The following ICA1 variants were observed in gnomAD, a reference collection of about 807,000 sequenced individuals.
The protein encoded by ICA1 is islet cell autoantigen 1, also known as 69 kDa islet cell autoantigen.
In ICA1, 40 loss-of-function variants were observed where a neutral mutation model predicts 71.0. That is an observed-to-expected ratio of 0.56 (90% confidence interval 0.44 to 0.73). The LOEUF (loss-of-function observed/expected upper bound fraction) is 0.73, where lower values mean the gene tolerates loss of function less well. Ranked by LOEUF, ICA1 falls within the 30% of genes least tolerant of loss-of-function variation. The pLI is 0.00. For synonymous variants in ICA1, 207 were observed against 209.5 expected, an observed-to-expected ratio of 0.99 and a Z score of 0.10; for missense variants, 578 against 576.5, an observed-to-expected ratio of 1.00 and a Z score of -0.03.
chr7:8,260,368 C>T (rs1247736408), intron 1 of ICA1, among the ~76,000 whole-genome samples: 7 of 152,102 alleles, frequency 4.6e-5, no homozygotes. Flanking sequence ...GATAGTTACT[C>T]AGGTGTTCCA....
chr7:8,157,393 C>T (rs1802015500), intron 7 of ICA1, 179 bp from the exon 8 acceptor site: 2 of 616,954 alleles, frequency 3.2e-6, no homozygotes, highest in East Asian at 3.0e-5. Flanking sequence ...TAAATGCCTC[C>T]CTGTTTCCCC....
At chr7:8,141,606 T>C (rs948600525) in intron 10 of ICA1, among the ~76,000 whole-genome samples, 159 bp downstream of exon 10, 1 of 152,190 alleles carries the variant, frequency 6.6e-6, no homozygotes, top group Admixed American at 6.5e-5. Context: ...ATGGTGGATA[T>C]CTGAACATTT....
rs1236160290 is a variant in ICA1, at chr7:8,226,419, C to G, written c.256+2182G>C. Among the ~76,000 whole-genome samples the G allele has an allele frequency of 6.6e-6, 1 of 152,228 alleles. No homozygotes were observed. The highest frequency in any genetic ancestry group is 1.5e-5 in the Non-Finnish European group (1 of 68,018). On this transcript the variant is annotated intron_variant, in intron 4 of 13. Transcript: ENST00000402384. This position sits in a 1 kb window ranked among gnomAD's most constrained non-coding sequence, Gnocchi z 4.4. ...TAATACACACACTCTCCATATATTACCTTTTTTTACATTTATATTTTATAT... is the reference window on the plus strand; with the variant it reads ...TAATACACACACTCTCCATATATTAGCTTTTTTTACATTTATATTTTATAT...
chr7:8,191,403 G>T (rs1785587532), intron 6 of ICA1, among the ~76,000 whole-genome samples: 1 of 152,168 alleles, frequency 6.6e-6, no homozygotes, highest in African/African-American at 2.4e-5. Context: ...TGTACTTCAA[G>T]TACGCAAACA....
intron 3 of ICA1, among the ~76,000 whole-genome samples, chr7:8,229,103 C>T (rs775973401): frequency 1.3e-5 from 2 of 151,736 alleles, no homozygotes; most frequent in African/African-American, 2.4e-5. Flanking sequence ...TAAAAGATGA[C>T]GTTAACTTAT....
chr7:8,176,903 CA>C (rs1780799795), intron 6 of ICA1, among the ~76,000 whole-genome samples: 1 of 152,164 alleles, frequency 6.6e-6, no homozygotes, highest in African/African-American at 2.4e-5. Flanking sequence ...ACTCAACTGG[CA>C]GGGGTGGAGC....
intron 6 of ICA1, among the ~76,000 whole-genome samples, chr7:8,158,902 T>G (rs1562749254): frequency 6.6e-6 from 1 of 152,194 alleles, no homozygotes; most frequent in African/African-American, 2.4e-5. Context: ...AATGTTAAAA[T>G]CCTTTCTTCT....
chr7:8,161,959 T>C (rs1299025558), intron 6 of ICA1, among the ~76,000 whole-genome samples: 4 of 152,310 alleles, frequency 2.6e-5, no homozygotes, highest in East Asian at 1.9e-4. Flanking sequence ...TCTGAAATGA[T>C]GGGATATTTG....
At chr7:8,122,979 T>G (rs141184780) in intron 13 of ICA1, among the ~76,000 whole-genome samples, 2 of 152,344 alleles carry the variant, frequency 1.3e-5, no homozygotes, top group African/African-American at 4.8e-5. Flanking sequence ...CTCTGAGGCC[T>G]CTCAGCATTG....
Position 8,145,746 on chromosome 7 carries a change from GTGTA to G in ICA1, c.805-1778_805-1775del, listed in dbSNP as rs1396851004. 1.5e-3 allele frequency among the ~76,000 whole-genome samples: 50 copies of G among 33,534 alleles called. 1 individual carries two copies. Among genetic ancestry groups the G allele is most frequent in the African/African-American group, 2.2e-3 (43 of 19,470 alleles). The allele number at this position is 33,534 out of a possible 152,430, so 22.0% of individuals were successfully genotyped here. The stretch of plus-strand genomic sequence containing the variant: ...CACTACTTGTATGATTGGAATCATT[GTGTA>G]TATATATATATATATATGTATATAA... On this transcript the variant is annotated intron_variant, in intron 8 of 13. Coordinates refer to ENST00000402384, the MANE Select transcript of ICA1 (RefSeq NM_001136020.3).
chr7:8,199,537 C>G (rs1341989155), intron 6 of ICA1, among the ~76,000 whole-genome samples: 1 of 151,982 alleles, frequency 6.6e-6, no homozygotes, highest in East Asian at 1.9e-4. Context: ...ATGGTGAAAC[C>G]CTGTCTCTAC....
intron 1 of ICA1, among the ~76,000 whole-genome samples, chr7:8,255,138 T>G (rs3807810): frequency 1.3e-5 from 2 of 151,978 alleles, no homozygotes; most frequent in African/African-American, 4.8e-5. Context: ...TTCTCTTTCA[T>G]GTTAATCAAC....
At chr7:8,141,715 A>G (rs762097020) in intron 10 of ICA1, 50 bp downstream of exon 10, 6 of 1,137,088 alleles carry the variant, frequency 5.3e-6, no homozygotes, top group Non-Finnish European at 7.7e-6. Flanking sequence ...TTGGCTGTTA[A>G]GCATTAAGTA....
intron 6 of ICA1, among the ~76,000 whole-genome samples, chr7:8,213,679 T>G (rs1435553190): frequency 6.6e-6 from 1 of 152,176 alleles, no homozygotes; most frequent in Non-Finnish European, 1.5e-5. Context: ...CAAGTCTTTG[T>G]TCACAGGAAA....
Position 8,140,979 on chromosome 7 carries a change from G to A in ICA1, c.955+786C>T, listed in dbSNP as rs185826833. ...CAGGAAGAGATGCATATGTCCCCAG[G>A]GGGACCAGGTAAACACAGTGTTGGG... On this transcript the variant is annotated intron_variant, in intron 10 of 13. Transcript: ENST00000402384. Among the ~76,000 whole-genome samples the A allele has an allele frequency of 1.2e-3, 189 of 152,290 alleles. 1 individual carries two copies. The highest frequency in any genetic ancestry group is 3.9e-3 in the South Asian group (19 of 4,822).
intron 12 of ICA1, among the ~76,000 whole-genome samples, chr7:8,129,662 A>G (rs1313965905): frequency 6.6e-6 from 1 of 152,180 alleles, no homozygotes; most frequent in African/African-American, 2.4e-5. Context: ...GATGGGGCAA[A>G]TGGCATTTTA....
intron 12 of ICA1, among the ~76,000 whole-genome samples, chr7:8,129,818 A>C (rs991452140): frequency 3.3e-5 from 5 of 151,468 alleles, no homozygotes; most frequent in Non-Finnish European, 4.4e-5. Context: ...TCGTCATTTA[A>C]CATTAGGTAT....
intron 8 of ICA1, among the ~76,000 whole-genome samples, chr7:8,148,312 C>G (rs1041627408): frequency 5.9e-5 from 9 of 152,112 alleles, no homozygotes; most frequent in African/African-American, 1.9e-4. Flanking sequence ...TTTTGCTTCA[C>G]CAACGCTTAT....
At chr7:8,221,589 A>T (rs747020362) in intron 4 of ICA1, among the ~76,000 whole-genome samples, 191 bp from the exon 5 acceptor site, 9 of 152,168 alleles carry the variant, frequency 5.9e-5, no homozygotes, top group Non-Finnish European at 1.3e-4. Flanking sequence ...TCCATTTACA[A>T]TACGAGAGAT....
Sources: allele counts gnomAD v4.1 joint callset (sites outside exome capture counted in the v4.1 genomes callset), GRCh38; gene constraint gnomAD v4.1.1; non-coding constraint Gnocchi (gnomAD v3.1); transcripts MANE v1.5; gene names NCBI Gene and HGNC (gene_info 2026-07-23, HGNC 2026-07-21).